CNTN4: variants seen among roughly 807,000 people sequenced by gnomAD.
CNTN4 encodes contactin 4.
A neutral mutation model predicts 122.5 loss-of-function variants in CNTN4; 77 were observed. The observed-to-expected ratio is 0.63, with a 90% confidence interval of 0.52 to 0.76. The LOEUF is 0.76. Among genes scored for constraint, CNTN4 ranks in the 30% least tolerant of loss-of-function variants. The probability of loss-of-function intolerance (pLI) is 0.00; values close to 1 mark genes in which losing one functional copy is unlikely to be tolerated. For missense variants in CNTN4, 1,256 were observed against 1,259.1 expected, an observed-to-expected ratio of 1.00 and a Z score of 0.04; for synonymous variants, 512 against 447.0, an observed-to-expected ratio of 1.15 and a Z score of -1.83.
intron 2 of CNTN4, among the ~76,000 whole-genome samples, chr3:2,207,014 G>C (rs2038384806): frequency 6.7e-6 from 1 of 150,060 alleles, no homozygotes; most frequent in African/African-American, 2.4e-5. Context: ...CAATATTTCA[G>C]ACTTTCTTCT....
intron 2 of CNTN4, among the ~76,000 whole-genome samples, chr3:2,234,545 C>T (rs879363965): frequency 8.6e-5 from 13 of 152,038 alleles, no homozygotes; most frequent in Admixed American, 8.5e-4. Flanking sequence ...ATTTATGCTG[C>T]TGATTCTATT....
chr3:2,160,074 T>TG (rs2035892860), intron 2 of CNTN4, among the ~76,000 whole-genome samples: 1 of 152,204 alleles, frequency 6.6e-6, no homozygotes, highest in Non-Finnish European at 1.5e-5. Flanking sequence ...TCTAGTTAAA[T>TG]GCATAGTTTC....
chr3:2,404,790 T>C (rs912434789), intron 3 of CNTN4, among the ~76,000 whole-genome samples: 2 of 152,056 alleles, frequency 1.3e-5, no homozygotes, highest in African/African-American at 4.8e-5. Flanking sequence ...CATCTCAGTA[T>C]TTTTTTTCTT....
intron 2 of CNTN4, among the ~76,000 whole-genome samples, chr3:2,281,942 T>C (rs571872403): frequency 6.6e-6 from 1 of 152,262 alleles, no homozygotes; most frequent in African/African-American, 2.4e-5. Flanking sequence ...GAAATTTTAA[T>C]AATCAGGTAA....
intron 2 of CNTN4, among the ~76,000 whole-genome samples, chr3:2,324,129 C>A (rs532184436): frequency 1.3e-5 from 2 of 152,246 alleles, no homozygotes; most frequent in African/African-American, 4.8e-5. Context: ...AAAATGTCTC[C>A]AGATATTGTC....
chr3:2,401,533 A>AT (rs2046859220), intron 3 of CNTN4, among the ~76,000 whole-genome samples: 2 of 151,972 alleles, frequency 1.3e-5, no homozygotes, highest in South Asian at 4.1e-4. Context: ...TTAAAGCTTT[A>AT]TTTTTTTCTG....
At chr3:2,723,662 C>T (rs1373835746) in intron 4 of CNTN4, among the ~76,000 whole-genome samples, 4 of 152,192 alleles carry the variant, frequency 2.6e-5, no homozygotes, top group Admixed American at 2.6e-4. Flanking sequence ...CCTTATCACT[C>T]TCCTAAGGGC....
At chr3:2,391,968 T>A (rs1184592570) in intron 3 of CNTN4, among the ~76,000 whole-genome samples, 1 of 152,162 alleles carries the variant, frequency 6.6e-6, no homozygotes, top group Admixed American at 6.5e-5. Flanking sequence ...GAGGGTGAGT[T>A]TTTATTCAAC....
rs1030757870 is a variant in CNTN4 at position 2,442,990 on chromosome 3, A to G, written c.-89+103757A>G. On this transcript the variant is annotated intron_variant, in intron 3 of 24. Transcript: ENST00000418658. ...TAAAATAGTAGCTTATTTATGAAAA[A>G]TAGGGAGGGTGTAAGGAGGGAGAGG... 3.7e-4 allele frequency among the ~76,000 whole-genome samples: 57 copies of G among 152,164 alleles called. 1 individual carries two copies. Among genetic ancestry groups the G allele is most frequent in the African/African-American group, 1.2e-3 (50 of 41,524 alleles).
chr3:2,961,231 C>CAAAAAAAAAAAAAAAAAAAAAAAAA (rs59790353), intron 13 of CNTN4, among the ~76,000 whole-genome samples: 2 of 37,252 alleles, frequency 5.4e-5, no homozygotes, highest in African/African-American at 1.0e-4. Flanking sequence ...CTCCATCTCA[C>CAAAAAAAAAAAAAAAAAAAAAAAAA]AAAAAAAAAA....
intron 13 of CNTN4, among the ~76,000 whole-genome samples, chr3:2,942,800 T>C (rs559368623): frequency 6.6e-6 from 1 of 152,334 alleles, no homozygotes; most frequent in African/African-American, 2.4e-5. Context: ...ATATGTTGAT[T>C]ACAGTGATAA....
intron 3 of CNTN4, among the ~76,000 whole-genome samples, chr3:2,486,053 T>C (rs1347824611): frequency 6.6e-6 from 1 of 152,122 alleles, no homozygotes; most frequent in Non-Finnish European, 1.5e-5. Context: ...AGCTGTAACA[T>C]TCATCTCGAA....
intron 2 of CNTN4, among the ~76,000 whole-genome samples, chr3:2,108,182 T>C (rs2032616296): frequency 6.9e-6 from 1 of 144,112 alleles, no homozygotes; most frequent in South Asian, 2.3e-4. Context: ...TTTTTTTTTT[T>C]TCATGACTGT....
chr3:2,397,032 T>C (rs1301789276), intron 3 of CNTN4, among the ~76,000 whole-genome samples: 5 of 152,168 alleles, frequency 3.3e-5, no homozygotes, highest in Non-Finnish European at 7.4e-5. Context: ...AGGGTTTTGA[T>C]TGTTTTGAAG....
chr3:2,368,093 C>T (rs192435519), intron 3 of CNTN4, among the ~76,000 whole-genome samples: 1,546 of 140,380 alleles, frequency 0.011, 43 homozygotes, highest in African/African-American at 0.04. Flanking sequence ...AGTGCAGTGG[C>T]GCGATCTCGG....
intron 3 of CNTN4, among the ~76,000 whole-genome samples, chr3:2,383,045 A>G (rs369874069): frequency 6.6e-6 from 1 of 151,944 alleles, no homozygotes; most frequent in Admixed American, 6.6e-5. Context: ...ACTGCACTCC[A>G]GCCTGGGTGA....
intron 24 of CNTN4, among the ~76,000 whole-genome samples, chr3:3,055,000 T>C (rs772804238): frequency 1.3e-5 from 2 of 152,192 alleles, no homozygotes; most frequent in Non-Finnish European, 2.9e-5. Flanking sequence ...TTTTAAATTA[T>C]GGACAAAATC....
chr3:2,987,889 G>C (rs773553898), intron 13 of CNTN4, among the ~76,000 whole-genome samples: 3 of 152,062 alleles, frequency 2.0e-5, no homozygotes, highest in Non-Finnish European at 4.4e-5. Flanking sequence ...AAATAAATAT[G>C]CTTAATAATA....
At chr3:2,562,667 T>G (rs890812747) in intron 3 of CNTN4, among the ~76,000 whole-genome samples, 18 of 152,104 alleles carry the variant, frequency 1.2e-4, no homozygotes, top group Non-Finnish European at 1.6e-4. Context: ...TGAATAGTGC[T>G]GTGACAAACA....
Sources: allele counts gnomAD v4.1 joint callset (sites outside exome capture counted in the v4.1 genomes callset), GRCh38; gene constraint gnomAD v4.1.1; transcripts MANE v1.5; gene names NCBI Gene and HGNC (gene_info 2026-07-23, HGNC 2026-07-21).